The following RAP1GAP variants were observed in gnomAD, a reference collection of about 807,000 sequenced individuals.
The protein encoded by RAP1GAP is rap1 GTPase-activating protein 1.
In RAP1GAP, 35 loss-of-function variants were observed where a neutral mutation model predicts 87.2. The ratio of observed to expected loss-of-function variants is 0.40; its 90% confidence interval spans 0.31 to 0.53. The LOEUF is 0.53. Ranked by LOEUF, RAP1GAP falls within the 20% of genes least tolerant of loss-of-function variation. The pLI is 0.48. For synonymous variants in RAP1GAP, 375 were observed against 363.9 expected (o/e 1.03, Z -0.35); for missense variants, 734 against 898.9 (o/e 0.82, Z 2.35).
At chr1:21,619,303 G>C (rs575701644) in intron 4 of RAP1GAP, among the ~76,000 whole-genome samples, 3 of 152,106 alleles carry the variant, frequency 2.0e-5, no homozygotes, top group African/African-American at 7.2e-5. Flanking sequence ...GGGACTCTGC[G>C]GGAACGCACG....
intron 2 of RAP1GAP, among the ~76,000 whole-genome samples, chr1:21,645,611 A>G (rs1393937897): frequency 6.6e-6 from 1 of 152,188 alleles, no homozygotes; most frequent in Admixed American, 6.5e-5. Context: ...GGCTTGGCCA[A>G]GGGGATGAGG....
chr1:21,659,607 C>T (rs1427618475), intron 1 of RAP1GAP, among the ~76,000 whole-genome samples: 1 of 152,232 alleles, frequency 6.6e-6, no homozygotes, highest in East Asian at 1.9e-4. Context: ...CCTACGCGTT[C>T]CGGGATCTCT....
rs1319829611 is a variant in RAP1GAP at position 21,603,391 on chromosome 1, G to C, written c.1429-478C>G. 3 of 535,340 alleles carry C rather than the reference G, an allele frequency of 5.6e-6. No homozygotes were observed. The highest frequency in any genetic ancestry group is 1.0e-5 in the Non-Finnish European group (3 of 299,796). 33.2% of individuals were successfully genotyped at this position (535,340 alleles called of 1,614,324 possible). A position where few individuals can be genotyped will look rare whatever the true frequency, so the allele number is the denominator to read the frequency against. On this transcript the variant is annotated intron_variant, in intron 18 of 24. Coordinates refer to ENST00000374765, the MANE Select transcript of RAP1GAP (RefSeq NM_002885.4). The surrounding 1 kb of genome is among the most constrained non-coding windows in gnomAD (Gnocchi z 6.0). ...AGACTCCCCCAGCTTCCCACACACT[G>C]TGCTGGGATGCCCCAGGCCCCAGAA...
At chr1:21,632,743 A>T (rs2093999679) in intron 2 of RAP1GAP, among the ~76,000 whole-genome samples, 1 of 147,766 alleles carries the variant, frequency 6.8e-6, no homozygotes, top group Non-Finnish European at 1.5e-5. Context: ...TTACAAAAAA[A>T]TTAAAAACCC....
intron 2 of RAP1GAP, among the ~76,000 whole-genome samples, chr1:21,644,196 C>T (rs1363113796): frequency 1.3e-5 from 2 of 152,184 alleles, no homozygotes; most frequent in African/African-American, 4.8e-5. Context: ...TAGGCTCATC[C>T]CTGCCTCAGA....
At chr1:21,599,707 G>A in intron 20 of RAP1GAP, 90 bp from the exon 21 acceptor site, 1 of 1,507,180 alleles carries the variant, frequency 6.6e-7, no homozygotes, top group Non-Finnish European at 8.8e-7. Context: ...AACCCGGGAG[G>A]CCCAGCTGGT....
chr1:21,603,610 G>A lies in RAP1GAP; in HGVS notation c.1429-697C>T, dbSNP rs749178533. The A allele has an allele frequency of 2.8e-6, 2 of 711,742 alleles. No individual in the cohort carries two copies. Among genetic ancestry groups the A allele is most frequent in the Non-Finnish European group, 2.6e-6 (1 of 389,814 alleles). The allele number at this position is 711,742 out of a possible 1,614,324, so 44.1% of individuals were successfully genotyped here. A position where few individuals can be genotyped will look rare whatever the true frequency, so the allele number is the denominator to read the frequency against. On this transcript the variant is annotated intron_variant, in intron 18 of 24. Coordinates refer to ENST00000374765, the MANE Select transcript of RAP1GAP (RefSeq NM_002885.4). This position sits in a 1 kb window ranked among gnomAD's most constrained non-coding sequence, Gnocchi z 6.0. ...CTGGGCCAGGGTCCCAGGGGCCAAG[G>A]CAGGGCCAGAAGCCCCTGGTGAGGG...
chr1:21,619,864 A>T, intron 4 of RAP1GAP, 151 bp downstream of exon 4: 2 of 803,582 alleles, frequency 2.5e-6, no homozygotes, highest in South Asian at 3.3e-5. Context: ...TGACCTCCAG[A>T]CAGAGGACCC....
chr1:21,629,026 C>G (rs1229439142), intron 2 of RAP1GAP, among the ~76,000 whole-genome samples: 1 of 152,212 alleles, frequency 6.6e-6, no homozygotes, highest in Non-Finnish European at 1.5e-5. Flanking sequence ...TCTCCCCCAA[C>G]TACTGTGCAG....
intron 6 of RAP1GAP, 49 bp from the exon 7 acceptor site, chr1:21,617,540 C>A: frequency 1.9e-6 from 3 of 1,539,416 alleles, no homozygotes; most frequent in South Asian, 1.2e-5. Context: ...CCCCACTGGG[C>A]GCCCCAGGAC....
rs2094314930 is a variant in RAP1GAP at position 21,634,136 on chromosome 1, C to A, written c.-112-7739G>T. Among the ~76,000 whole-genome samples, 1 of 151,980 alleles carries A rather than the reference C, an allele frequency of 6.6e-6. No individual in the cohort carries two copies. Among genetic ancestry groups the A allele is most frequent in the African/African-American group, 2.4e-5 (1 of 41,354 alleles). Reference sequence around the variant, plus strand: ...GCACTGCCCTCCCCTTGGCTTGCCCCTGTCCCTGCCAAAGTGCCAGGGAAG... The same window carrying A: ...GCACTGCCCTCCCCTTGGCTTGCCCATGTCCCTGCCAAAGTGCCAGGGAAG... On this transcript the variant is annotated intron_variant, in intron 2 of 24. Coordinates refer to ENST00000374765, the MANE Select transcript of RAP1GAP (RefSeq NM_002885.4). The surrounding 1 kb of genome is among the most constrained non-coding windows in gnomAD (Gnocchi z 4.1).
rs964780529 is a variant in RAP1GAP, at chr1:21,634,066, G to C, written c.-112-7669C>G. Among the ~76,000 whole-genome samples, 8 of 151,812 alleles carry C rather than the reference G, an allele frequency of 5.3e-5. No individual in the cohort carries two copies. Among genetic ancestry groups the C allele is most frequent in the South Asian group, 2.1e-4 (1 of 4,798 alleles). Reference sequence around the variant, plus strand: ...CCAGAACTGCCCCCTCCCGGGGGGGGGGGGGGGCCACAGAAGCCCATTGTT... The same window carrying C: ...CCAGAACTGCCCCCTCCCGGGGGGGCGGGGGGGCCACAGAAGCCCATTGTT... On this transcript the variant is annotated intron_variant, in intron 2 of 24. Transcript: ENST00000374765. The surrounding 1 kb of genome is among the most constrained non-coding windows in gnomAD (Gnocchi z 4.1).
intron 22 of RAP1GAP, 124 bp from the exon 23 acceptor site, chr1:21,598,188 TC>T: frequency 1.3e-6 from 1 of 761,032 alleles, no homozygotes; most frequent in Non-Finnish European, 2.1e-6. Flanking sequence ...TTCCTTGCCA[TC>T]CCCCATTATC....
At chr1:21,608,164 C>A in intron 17 of RAP1GAP, 49 bp downstream of exon 17, 1 of 1,603,028 alleles carries the variant, frequency 6.2e-7, no homozygotes, top group Non-Finnish European at 8.5e-7. Flanking sequence ...CGGGATTCCG[C>A]CCTAGCCACG....
At chr1:21,643,125 A>ACC (rs33930485) in intron 2 of RAP1GAP, among the ~76,000 whole-genome samples, 115,832 of 151,754 alleles carry the variant, frequency 0.76, 44,321 homozygotes, top group Middle Eastern at 0.82. Context: ...TTTCTCCACC[A>ACC]AGTCCCCAAC....
chr1:21,640,859 C>T lies in RAP1GAP; in HGVS notation c.-113+8902G>A, dbSNP rs559020530. ...TCAAGCCAAGCCTGGTCTTCCATGG[C>T]TGCCCACACTCCCCACCACCCCACC... On this transcript the variant is annotated intron_variant, in intron 2 of 24. Transcript: ENST00000374765. Among the ~76,000 whole-genome samples, 23 of 152,248 alleles carry T rather than the reference C, an allele frequency of 1.5e-4. No homozygotes were observed. The South Asian group carries it at 4.2e-3, about 28-fold the overall frequency.
chr1:21,633,360 C>T (rs1248310632), intron 2 of RAP1GAP, among the ~76,000 whole-genome samples: 1 of 152,234 alleles, frequency 6.6e-6, no homozygotes, highest in African/African-American at 2.4e-5. Context: ...AGGCAGCTTT[C>T]CTAACCAGCC....
chr1:21,628,592 C>A (rs1283920389), intron 2 of RAP1GAP, among the ~76,000 whole-genome samples: 1 of 151,954 alleles, frequency 6.6e-6, no homozygotes, highest in African/African-American at 2.4e-5. Context: ...TGGTGGTGCA[C>A]GCCTATAGTC....
chr1:21,598,604 C>G (rs552824346), intron 21 of RAP1GAP, 102 bp from the exon 22 acceptor site: 43 of 954,942 alleles, frequency 4.5e-5, no homozygotes, highest in Non-Finnish European at 6.0e-5. Context: ...CACAACCCCC[C>G]ACCCGTACCC....
Sources: gnomAD v4.1 joint callset for allele counts (sites outside exome capture counted in the v4.1 genomes callset) on GRCh38, gnomAD v4.1.1 for gene constraint, Gnocchi (gnomAD v3.1) non-coding constraint, MANE v1.5 for transcripts, NCBI Gene and HGNC (gene_info 2026-07-23, HGNC 2026-07-21) for gene names.